Variants in ADAM18 observed in about 807,000 individuals in gnomAD.
ADAM18 encodes the protein disintegrin and metalloproteinase domain-containing protein 18.
ADAM18 carries 117 observed loss-of-function variants against 94.4 expected under a neutral mutation model. The ratio of observed to expected loss-of-function variants is 1.24; its 90% CI spans 1.07 to 1.45. The LOEUF (loss-of-function observed/expected upper bound fraction) is 1.45, where lower values mean the gene tolerates loss of function less well. Ranked by LOEUF, ADAM18 falls within the 40% of genes most tolerant of loss-of-function variation. ADAM18 has a pLI of 0.00. For synonymous variants in ADAM18, 327 were observed against 291.6 expected (o/e 1.12, Z -1.24); for missense variants, 936 against 880.0 (o/e 1.06, Z -0.81).
At chr8:39,701,219 T>G (rs1822068721) in intron 17 of ADAM18, among the ~76,000 whole-genome samples, 2 of 150,596 alleles carry the variant, frequency 1.3e-5, no homozygotes, top group Non-Finnish European at 3.0e-5. Context: ...ATCTTTTAAT[T>G]TTTTTCTAAA....
At chr8:39,697,126 T>C (rs1821948926) in intron 17 of ADAM18, among the ~76,000 whole-genome samples, 1 of 151,642 alleles carries the variant, frequency 6.6e-6, no homozygotes, top group Admixed American at 6.6e-5. Flanking sequence ...TCTAATAATA[T>C]TGTAAATGGT....
In ADAM18 at chr8:39,596,475, T is replaced by G. The variant is rs115293042; in HGVS notation, c.133-9832T>G. Among the ~76,000 whole-genome samples the G allele has an allele frequency of 2.6e-3, 400 of 152,346 alleles. 6 individuals are homozygous for G. The highest frequency in any genetic ancestry group is 9.4e-3 in the African/African-American group (390 of 41,576). On this transcript the variant is annotated intron_variant, in intron 2 of 19. Coordinates refer to ENST00000265707, the MANE Select transcript of ADAM18 (RefSeq NM_014237.3). ...GGCTTTTCTTCCCACTTAGTATGCA[T>G]TTAAGATTCTTTTATGTCTTTTAAT...
chr8:39,682,947 C>G (rs1046048590), intron 16 of ADAM18, among the ~76,000 whole-genome samples: 1 of 152,012 alleles, frequency 6.6e-6, no homozygotes, highest in African/African-American at 2.4e-5. Context: ...TTTAAAATAC[C>G]CTCCAATATC....
chr8:39,612,076 T>A (rs979172931), intron 6 of ADAM18, among the ~76,000 whole-genome samples: 1 of 152,012 alleles, frequency 6.6e-6, no homozygotes, highest in Non-Finnish European at 1.5e-5. Flanking sequence ...AACAATTACC[T>A]TGAATGTAAA....
chr8:39,698,429 G>A (rs1821982974), intron 17 of ADAM18, among the ~76,000 whole-genome samples: 1 of 151,408 alleles, frequency 6.6e-6, no homozygotes, highest in African/African-American at 2.4e-5. Flanking sequence ...CTTTTTTCCT[G>A]GTATTGTTAA....
At chr8:39,723,088 T>C (rs1220097119) in intron 18 of ADAM18, among the ~76,000 whole-genome samples, 4 of 151,576 alleles carry the variant, frequency 2.6e-5, no homozygotes, top group Non-Finnish European at 4.4e-5. Flanking sequence ...CATATTCATT[T>C]AGTTAACTCA....
At chr8:39,631,839 T>G (rs1819939436) in intron 7 of ADAM18, among the ~76,000 whole-genome samples, 1 of 152,036 alleles carries the variant, frequency 6.6e-6, no homozygotes, top group Admixed American at 6.6e-5. Flanking sequence ...CATTTTTTGT[T>G]AATTCCTTTC....
chr8:39,693,626 T>C (rs1326132764), intron 17 of ADAM18, among the ~76,000 whole-genome samples: 2 of 151,232 alleles, frequency 1.3e-5, no homozygotes, highest in Non-Finnish European at 3.0e-5. Context: ...GGGTTCACAA[T>C]TGTTTTCTTA....
intron 17 of ADAM18, among the ~76,000 whole-genome samples, chr8:39,698,727 A>G (rs540247338): frequency 2.2e-4 from 34 of 152,172 alleles, no homozygotes; most frequent in African/African-American, 8.2e-4. Context: ...TCTTGGCAGA[A>G]ATAGTGTGGG....
intron 16 of ADAM18, among the ~76,000 whole-genome samples, chr8:39,681,674 C>T (rs1243312106): frequency 6.6e-6 from 1 of 152,102 alleles, no homozygotes; most frequent in Non-Finnish European, 1.5e-5. Flanking sequence ...ACAGAAAGCT[C>T]ATATTGCCTG....
chr8:39,653,702 A>G (rs1820603680), intron 12 of ADAM18, among the ~76,000 whole-genome samples: 2 of 152,198 alleles, frequency 1.3e-5, no homozygotes, highest in Non-Finnish European at 2.9e-5. Context: ...AATAGTTTTT[A>G]TGTGTTTTTA....
chr8:39,641,184 G>A (rs1820226800), intron 10 of ADAM18, among the ~76,000 whole-genome samples: 1 of 151,930 alleles, frequency 6.6e-6, no homozygotes, highest in Admixed American at 6.6e-5. Context: ...TTTTGTATAT[G>A]GTGTAAGGAA....
intron 6 of ADAM18, 66 bp downstream of exon 6, chr8:39,610,772 A>G (rs763519244): frequency 1.9e-5 from 29 of 1,524,732 alleles, no homozygotes; most frequent in Non-Finnish European, 2.5e-5. Context: ...CTTGTAAATC[A>G]TGAAAGGAAT....
At chr8:39,614,096 G>A (rs1819362496) in intron 6 of ADAM18, among the ~76,000 whole-genome samples, 1 of 152,072 alleles carries the variant, frequency 6.6e-6, no homozygotes, top group Non-Finnish European at 1.5e-5. Flanking sequence ...TTACTAGAAA[G>A]GTTATCATCC....
intron 16 of ADAM18, among the ~76,000 whole-genome samples, chr8:39,684,388 A>G (rs1439243804): frequency 6.6e-6 from 1 of 152,184 alleles, no homozygotes; most frequent in African/African-American, 2.4e-5. Flanking sequence ...TGTTAACTAT[A>G]TAAACTGTGA....
intron 18 of ADAM18, among the ~76,000 whole-genome samples, chr8:39,712,023 T>G (rs1204542089): frequency 7.7e-6 from 1 of 129,062 alleles, no homozygotes; most frequent in African/African-American, 3.1e-5. Context: ...TCAACTAAAA[T>G]CAGAGAAGGC....
At chr8:39,688,930 CT>C (rs749917903) in intron 16 of ADAM18, among the ~76,000 whole-genome samples, 14 of 152,034 alleles carry the variant, frequency 9.2e-5, no homozygotes, top group African/African-American at 3.4e-4. Context: ...TGGTATCTCA[CT>C]TTGGTTTTGA....
intron 2 of ADAM18, among the ~76,000 whole-genome samples, chr8:39,590,034 T>G (rs1024356050): frequency 6.7e-6 from 1 of 149,804 alleles, no homozygotes; most frequent in African/African-American, 2.5e-5. Context: ...TGGCAATTCC[T>G]CAGGGATCTA....
At chr8:39,728,109 C>A (rs1410366160) in intron 19 of ADAM18, among the ~76,000 whole-genome samples, 1 of 151,944 alleles carries the variant, frequency 6.6e-6, no homozygotes, top group African/African-American at 2.4e-5. Context: ...TTTGAAATGG[C>A]CAGATCTTGC....
Sources: allele counts gnomAD v4.1 joint callset (sites outside exome capture counted in the v4.1 genomes callset), GRCh38; gene constraint gnomAD v4.1.1; transcripts MANE v1.5; gene names NCBI Gene and HGNC (gene_info 2026-07-23, HGNC 2026-07-21).